PSME4: variants seen among roughly 807,000 people sequenced by gnomAD.
The protein encoded by PSME4 is proteasome activator subunit 4, also known as proteasome activator complex subunit 4.
A neutral mutation model predicts 253.9 loss-of-function variants in PSME4; 89 were observed. The observed-to-expected ratio is 0.35, with a 90% CI of 0.30 to 0.42. The LOEUF (loss-of-function observed/expected upper bound fraction) is 0.42. Ranked by LOEUF, PSME4 falls within the 10% of genes least tolerant of loss-of-function variation. The pLI is 1.00. For missense variants in PSME4, 2,014 were observed against 2,195.2 expected (o/e 0.92, Z 1.65); for synonymous variants, 851 against 759.2 (o/e 1.12, Z -1.99).
At chr2:53,882,942 G>C (rs987944240) in intron 41 of PSME4, among the ~76,000 whole-genome samples, 1 of 151,102 alleles carries the variant, frequency 6.6e-6, no homozygotes, top group African/African-American at 2.4e-5. Context: ...ATAAAACTAT[G>C]AACAGTGGCT....
At chr2:53,892,757 G>C (rs1259665536) in intron 36 of PSME4, 51 bp downstream of exon 36, 2 of 1,542,888 alleles carry the variant, frequency 1.3e-6, no homozygotes, top group Non-Finnish European at 1.8e-6. Flanking sequence ...CCACCAAAAT[G>C]GGTAACATAG....
At chr2:53,903,849 CA>C (rs1212086639) in intron 27 of PSME4, among the ~76,000 whole-genome samples, 175 bp downstream of exon 27, 1 of 143,120 alleles carries the variant, frequency 7.0e-6, no homozygotes, top group Admixed American at 7.1e-5. Flanking sequence ...CTGATATCTT[CA>C]ATTTACTTTG....
intron 3 of PSME4, among the ~76,000 whole-genome samples, chr2:53,945,841 C>G (rs1212110460): frequency 9.2e-5 from 14 of 152,098 alleles, no homozygotes; most frequent in Admixed American, 9.2e-4. Flanking sequence ...AGAAAAAACT[C>G]AAAATTGTCA....
chr2:53,918,700 T>C (rs1279956614), intron 20 of PSME4, among the ~76,000 whole-genome samples: 4 of 152,164 alleles, frequency 2.6e-5, no homozygotes, highest in African/African-American at 7.2e-5. Context: ...CTCGAAGTAA[T>C]AATACTCTGA....
At chr2:53,903,926 C>G in intron 27 of PSME4, 99 bp downstream of exon 27, 1 of 943,280 alleles carries the variant, frequency 1.1e-6, no homozygotes, top group Non-Finnish European at 1.6e-6. Flanking sequence ...AATACAGAAT[C>G]TCAGTGGTGA....
At chr2:53,942,246 G>C (rs1669485961) in intron 3 of PSME4, 1 of 152,420 alleles carries the variant, frequency 6.6e-6, no homozygotes, top group Non-Finnish European at 1.5e-5. Flanking sequence ...TAAAATAAAA[G>C]GTTAAGGCTA....
chr2:53,869,538 C>A lies in PSME4; in HGVS notation c.5101G>T (p.Val1701Phe). Residue 1701 changes from valine to phenylalanine, a missense_variant and splice_region_variant, in exon 44 of 47, where the codon GTT (valine) becomes TTT (phenylalanine). By Grantham distance (50) the Val-to-Phe change is conservative. Transcript: ENST00000404125. ...AAGGTAGTAGCAGCCATTTCTCGAA[C>A]CTGTAGATATAATAATTTCTATTAG... The part of the protein sequence containing the change: ...ISLLEDEQLE[V>F]REMAATTLSG... The A allele has an allele frequency of 6.7e-7, 1 of 1,499,272 alleles. No homozygotes were observed. Among genetic ancestry groups the A allele is most frequent in the South Asian group, 1.4e-5 (1 of 71,684 alleles). The allele number at this position is 1,499,272 out of a possible 1,614,324, so 92.9% of individuals were successfully genotyped here. A position where few individuals can be genotyped will look rare whatever the true frequency, so the allele number is the denominator to read the frequency against.
rs757521133 is a variant in PSME4 at position 53,940,000 on chromosome 2, A to G, written c.501T>C (p.Asn167=). The G allele has an allele frequency of 6.3e-7, 1 of 1,580,602 alleles. No homozygotes were observed. Among genetic ancestry groups the G allele is most frequent in the Non-Finnish European group, 8.6e-7 (1 of 1,156,262 alleles). ...GTGTTTTGAGAATATTTTCTACAGA[A>G]CTGGGGGGGGAAAGCCATTTGATAA... is the stretch of plus-strand genomic sequence containing the variant. ...TEHLGLNWFP[N]SVENILKTLV... is the part of the protein sequence containing the mutation. The change falls in exon 4 of 47, where the codon AAT becomes AAC. Residue 167 remains asparagine (N), a splice_region_variant and synonymous_variant. Coordinates refer to ENST00000404125, the MANE Select transcript of PSME4 (RefSeq NM_014614.3).
At chr2:53,961,337 T>C (rs1670487775) in intron 1 of PSME4, among the ~76,000 whole-genome samples, 1 of 152,086 alleles carries the variant, frequency 6.6e-6, no homozygotes, top group Non-Finnish European at 1.5e-5. Flanking sequence ...CTACAAAGGT[T>C]AGACAGAAAC....
chr2:53,951,254 T>C (rs1669976171), intron 1 of PSME4, among the ~76,000 whole-genome samples: 1 of 152,170 alleles, frequency 6.6e-6, no homozygotes. Context: ...GGCTAATTTT[T>C]GTAATTTTAG....
intron 27 of PSME4, among the ~76,000 whole-genome samples, chr2:53,903,016 A>G (rs1402319340): frequency 6.6e-6 from 1 of 151,942 alleles, no homozygotes; most frequent in Non-Finnish European, 1.5e-5. Context: ...ATTCTTCCCG[A>G]TTTCTTGATA....
intron 36 of PSME4, among the ~76,000 whole-genome samples, chr2:53,891,431 A>G (rs1003431912): frequency 1.3e-5 from 2 of 152,218 alleles, no homozygotes; most frequent in African/African-American, 2.4e-5. Flanking sequence ...TATTTTAGTT[A>G]AAAAGGATAT....
intron 31 of PSME4, among the ~76,000 whole-genome samples, chr2:53,897,176 T>TG (rs1250059743): frequency 6.6e-6 from 1 of 151,136 alleles, no homozygotes; most frequent in Non-Finnish European, 1.5e-5. Flanking sequence ...GGTTTTTTTT[T>TG]TTTTTTTTTT....
intron 27 of PSME4, among the ~76,000 whole-genome samples, chr2:53,901,893 C>T (rs780445032): frequency 3.9e-5 from 6 of 152,150 alleles, no homozygotes; most frequent in Non-Finnish European, 5.9e-5. Context: ...ATGGTGAAAC[C>T]TCTTCTCTAT....
intron 1 of PSME4, among the ~76,000 whole-genome samples, chr2:53,950,887 A>T (rs1357656712): frequency 6.6e-6 from 1 of 152,008 alleles, no homozygotes; most frequent in East Asian, 1.9e-4. Context: ...AAAACCCAAG[A>T]ACAACAAATC....
At chr2:53,929,623 T>C (rs556429225) in intron 10 of PSME4, among the ~76,000 whole-genome samples, 2 of 151,562 alleles carry the variant, frequency 1.3e-5, no homozygotes, top group South Asian at 4.2e-4. Flanking sequence ...GGAGAAAACA[T>C]ACCAAACTCT....
At chr2:53,928,420 A>G in intron 10 of PSME4, 117 bp from the exon 11 acceptor site, 1 of 763,958 alleles carries the variant, frequency 1.3e-6, no homozygotes, top group Non-Finnish European at 2.0e-6. Flanking sequence ...ACAGTTAGCA[A>G]AATACTCAGA....
At chr2:53,936,864 T>C (rs998679468) in intron 5 of PSME4, 37 bp from the exon 6 acceptor site, 2 of 1,446,956 alleles carry the variant, frequency 1.4e-6, no homozygotes, top group Admixed American at 2.0e-5. Flanking sequence ...TAGCAAGTGA[T>C]TTTAAAGTGG....
In PSME4 at chr2:53,892,859, T is replaced by C. The variant is rs192837587; in HGVS notation, c.4140A>G (p.Ala1380=). The change falls in exon 36 of 47, where the codon GCA becomes GCG. Residue 1380 remains alanine (A), a synonymous_variant. Transcript: ENST00000404125. ...DSHESTQRCV[A]EIIAGLIRGS... is the part of the protein sequence containing the mutation. ...CTCTGATTAAACCAGCTATAATTTC[T>C]GCAACACATCGCTGGGTGCTTTCAT... 8.1e-6 allele frequency: 13 copies of C among 1,613,908 alleles called. No homozygotes were observed. Among genetic ancestry groups the C allele is most frequent in the Admixed American group, 1.7e-5 (1 of 59,982 alleles).
Sources: allele counts gnomAD v4.1 joint callset (sites outside exome capture counted in the v4.1 genomes callset), GRCh38; gene constraint gnomAD v4.1.1; transcripts MANE v1.5; gene names NCBI Gene and HGNC (gene_info 2026-07-23, HGNC 2026-07-21).